RGMA: variants seen among roughly 807,000 people sequenced by gnomAD.
The protein encoded by RGMA is repulsive guidance molecule BMP co-receptor a.
A neutral mutation model predicts 23.2 loss-of-function variants in RGMA; 10 were observed. That is an observed-to-expected ratio of 0.43 (90% confidence interval 0.27 to 0.73). The LOEUF is 0.73. RGMA is among the 30% of genes least tolerant of loss of function. The probability of loss-of-function intolerance (pLI) is 0.20; values close to 1 mark genes in which losing one functional copy is unlikely to be tolerated. For synonymous variants in RGMA, 308 were observed against 279.3 expected (o/e 1.10, Z -1.03); for missense variants, 547 against 630.5 (o/e 0.87, Z 1.42).
Position 93,044,024 on chromosome 15 carries a change from TGA to T in RGMA, c.*972_*973del, listed in dbSNP as rs972609638. On this transcript the variant is annotated 3_prime_UTR_variant, in exon 4 of 4. Transcript: ENST00000329082. The stretch of plus-strand genomic sequence containing the variant: ...AGACCCTGCCAGGGATGCTCAGAGC[TGA>T]GAGTCCTAAGACCCTGCTCCTCTCC... The T allele has an allele frequency of 2.0e-5, 3 of 152,436 alleles. No homozygotes were observed. Among genetic ancestry groups the T allele is most frequent in the Non-Finnish European group, 4.4e-5 (3 of 68,140 alleles). 9.4% of individuals were successfully genotyped at this position (152,436 alleles called of 1,614,324 possible). A position where few individuals can be genotyped will look rare whatever the true frequency, so the allele number is the denominator to read the frequency against.
intron 2 of RGMA, among the ~76,000 whole-genome samples, chr15:93,052,866 G>T (rs755996593): frequency 1.3e-5 from 2 of 152,188 alleles, no homozygotes; most frequent in African/African-American, 2.4e-5. Flanking sequence ...CCATCCCCAA[G>T]AATTTTGGCT....
rs571587364 is a variant in RGMA, at chr15:93,041,037, C to A, written c.*3961G>T. The A allele has an allele frequency of 6.6e-6, 1 of 152,320 alleles. No individual in the cohort carries two copies. Among genetic ancestry groups the A allele is most frequent in the Non-Finnish European group, 1.5e-5 (1 of 68,050 alleles). The allele number at this position is 152,320 out of a possible 1,614,324, so 9.4% of individuals were successfully genotyped here. A position where few individuals can be genotyped will look rare whatever the true frequency, so the allele number is the denominator to read the frequency against. Reference sequence around the variant, plus strand: ...GCCAAGTTTGCCTGCAGCCCGAGCCCAAGTGCCACCCCTGCTCCATGCCAC... The same window carrying A: ...GCCAAGTTTGCCTGCAGCCCGAGCCAAAGTGCCACCCCTGCTCCATGCCAC... On this transcript the variant is annotated 3_prime_UTR_variant, in exon 4 of 4. Coordinates refer to ENST00000329082, the MANE Select transcript of RGMA (RefSeq NM_020211.3).
rs1000400049 is a variant in RGMA at position 93,035,743 on chromosome 15, C to T, written c.*9255G>A. The stretch of plus-strand genomic sequence containing the variant: ...CATTGTCAGAACTCAGATTCTAGCC[C>T]GACTCTGAAGGCCGAGCCTGTCACC... On this transcript the variant is annotated 3_prime_UTR_variant, in exon 4 of 4. Coordinates refer to ENST00000329082, the MANE Select transcript of RGMA (RefSeq NM_020211.3). 1.3e-5 allele frequency: 2 copies of T among 152,214 alleles called. No individual in the cohort carries two copies. Among genetic ancestry groups the T allele is most frequent in the Non-Finnish European group, 2.9e-5 (2 of 68,098 alleles). The allele number at this position is 152,214 out of a possible 1,614,324, so 9.4% of individuals were successfully genotyped here. A position where few individuals can be genotyped will look rare whatever the true frequency, so the allele number is the denominator to read the frequency against.
At chr15:93,054,822 G>A (rs983608522) in intron 2 of RGMA, among the ~76,000 whole-genome samples, 9 of 152,168 alleles carry the variant, frequency 5.9e-5, no homozygotes, top group African/African-American at 1.9e-4. Flanking sequence ...CCAAGGCAAC[G>A]AGAAGATTCT....
chr15:93,085,622 T>C (rs886901659), intron 1 of RGMA, among the ~76,000 whole-genome samples: 5 of 152,262 alleles, frequency 3.3e-5, no homozygotes, highest in East Asian at 1.9e-4. Flanking sequence ...GGTAGGTACA[T>C]AGTACATTTT....
intron 3 of RGMA, among the ~76,000 whole-genome samples, chr15:93,050,718 G>A (rs902529077): frequency 6.6e-6 from 1 of 152,162 alleles, no homozygotes; most frequent in Non-Finnish European, 1.5e-5. Flanking sequence ...CCACCCCCTG[G>A]GGTCTGGAGG....
chr15:93,063,062 A>G (rs1313641406), intron 2 of RGMA: 1 of 152,252 alleles, frequency 6.6e-6, no homozygotes, highest in African/African-American at 2.4e-5. Flanking sequence ...GGGCGTGATC[A>G]GAACACTATT....
chr15:93,045,764 C>T lies in RGMA; in HGVS notation c.646-59G>A. 2 of 1,254,544 alleles carry T rather than the reference C, an allele frequency of 1.6e-6. No individual in the cohort carries two copies. The highest frequency in any genetic ancestry group is 2.3e-6 in the Non-Finnish European group (2 of 874,168). 77.7% of individuals were successfully genotyped at this position (1,254,544 alleles called of 1,614,324 possible). ...GGCACAGTGGGAGGAGGCACAGCCC[C>T]ACACTTAAGATGCTCTAGACTGAGA... On this transcript the variant is annotated intron_variant, in intron 3 of 3. Transcript: ENST00000329082. This position sits in a 1 kb window ranked among gnomAD's most constrained non-coding sequence, Gnocchi z 6.9.
chr15:93,045,979 T>C lies in RGMA; in HGVS notation c.646-274A>G, dbSNP rs1218683068. On this transcript the variant is annotated intron_variant, in intron 3 of 3. Coordinates refer to ENST00000329082, the MANE Select transcript of RGMA (RefSeq NM_020211.3). This position sits in a 1 kb window ranked among gnomAD's most constrained non-coding sequence, Gnocchi z 6.9. ...GTAGAAAACTAGCTCTTTTACTATATAGGGAAGTGAACCAGAAAAATAAAA... is the reference window on the plus strand; with the variant it reads ...GTAGAAAACTAGCTCTTTTACTATACAGGGAAGTGAACCAGAAAAATAAAA... Among the ~76,000 whole-genome samples the C allele has an allele frequency of 2.0e-5, 3 of 152,202 alleles. No individual in the cohort carries two copies. The highest frequency in any genetic ancestry group is 4.8e-5 in the African/African-American group (2 of 41,450).
Position 93,088,693 on chromosome 15 carries a change from G to C in RGMA, c.14+226C>G. ...ACCACGCGCGCTGGCGGCTGCCCGG[G>C]GGAGAGTATTTTAGGAAAAAAGAAC... On this transcript the variant is annotated intron_variant, in intron 1 of 3. Coordinates refer to ENST00000329082, the MANE Select transcript of RGMA (RefSeq NM_020211.3). 3 of 796,192 alleles carry C rather than the reference G, an allele frequency of 3.8e-6. No homozygotes were observed. The South Asian group carries it at 6.3e-5, about 17-fold the overall frequency. The allele number at this position is 796,192 out of a possible 1,614,324, so 49.3% of individuals were successfully genotyped here.
intron 3 of RGMA, among the ~76,000 whole-genome samples, chr15:93,048,793 C>T (rs1218048118): frequency 6.8e-6 from 1 of 146,098 alleles, no homozygotes; most frequent in African/African-American, 2.5e-5. Flanking sequence ...CTGGGGGTGC[C>T]GGAGGTGGGC....
chr15:93,088,894 T>C (rs8038770), intron 1 of RGMA, 25 bp downstream of exon 1: 533,164 of 1,481,076 alleles, frequency 0.36, 100,737 homozygotes, highest in East Asian at 0.72. Flanking sequence ...GAGCCGGGTC[T>C]GCCCGGCTCC....
At position 93,072,952 on chromosome 15, in the gene RGMA, G is replaced by A. The variant is rs867054022; in HGVS notation, c.94C>T (p.Pro32Ser). The part of the protein sequence containing the change: ...GAGRSALGFW[P>S]TLAFLLCSFP... ...CTGCAGAGAAGGAAGGCGAGGGTCG[G>A]CCAGAATCCCAGGGCTGAACGTCCT... Residue 32 changes from proline to serine, a missense_variant, in exon 2 of 4, where the codon CCG becomes TCG. By Grantham distance (74) the Pro-to-Ser change is moderately conservative. This residue lies in a region of RGMA where 214 missense variants were observed against 234.7 expected (regional missense o/e 0.91). Coordinates refer to ENST00000329082, the MANE Select transcript of RGMA (RefSeq NM_020211.3). 3 of 1,610,442 alleles carry A rather than the reference G, an allele frequency of 1.9e-6. No homozygotes were observed. The highest frequency in any genetic ancestry group is 2.5e-6 in the Non-Finnish European group (3 of 1,178,618).
At chr15:93,061,143 C>G (rs1273085707) in intron 2 of RGMA, among the ~76,000 whole-genome samples, 1 of 152,216 alleles carries the variant, frequency 6.6e-6, no homozygotes, top group Admixed American at 6.5e-5. Flanking sequence ...TACTCCATAC[C>G]CAAAGCCTAT....
intron 2 of RGMA, among the ~76,000 whole-genome samples, chr15:93,054,515 A>G (rs1308942681): frequency 1.3e-5 from 2 of 152,106 alleles, no homozygotes; most frequent in Non-Finnish European, 2.9e-5. Context: ...TGGTTTTATA[A>G]ATGGGAGTTC....
intron 1 of RGMA, among the ~76,000 whole-genome samples, chr15:93,080,782 C>T (rs1042605804): frequency 6.6e-6 from 1 of 151,962 alleles, no homozygotes; most frequent in Non-Finnish European, 1.5e-5. Flanking sequence ...TTCTCGACTT[C>T]CCATATTCTC....
chr15:93,056,597 C>T lies in RGMA; in HGVS notation c.131-4090G>A, dbSNP rs955976834. 2.7e-4 allele frequency among the ~76,000 whole-genome samples: 41 copies of T among 152,148 alleles called. 2 individuals are homozygous for T. The highest frequency in any genetic ancestry group is 4.4e-5 in the Non-Finnish European group (3 of 68,020). On this transcript the variant is annotated intron_variant, in intron 2 of 3. Transcript: ENST00000329082. ...ACAGGAACCAGGGTCCCCGTCTCCCCGACTCCTCTGTAGGCTTCAGGACCC... is the reference window on the plus strand; with the variant it reads ...ACAGGAACCAGGGTCCCCGTCTCCCTGACTCCTCTGTAGGCTTCAGGACCC...
At chr15:93,065,467 G>A (rs1312923189) in intron 2 of RGMA, 1 of 442,482 alleles carries the variant, frequency 2.3e-6, no homozygotes, top group Non-Finnish European at 4.2e-6. Flanking sequence ...ATGAAAAGCT[G>A]GTATTTTGAT....
At position 93,072,994 on chromosome 15, in the gene RGMA, C is replaced by T; in HGVS notation, c.52G>A (p.Gly18Ser). The change falls in exon 2 of 4, where the codon GGT becomes AGT. Residue 18 changes from glycine to serine, a missense_variant. By Grantham distance (56) the Gly-to-Ser change is moderately conservative. Around this residue, in one of 3 missense-constraint regions of RGMA, gnomAD observed 214 missense variants for 234.7 expected, o/e 0.91. Coordinates refer to ENST00000329082, the MANE Select transcript of RGMA (RefSeq NM_020211.3). ...LVVTGRAGWM[G>S]MGRGAGRSAL... ...GAACGTCCTGCCCCTCTCCCCATAC[C>T]CATCCATCCAGCTCGGCCTGTTACC... 3 of 1,611,470 alleles carry T rather than the reference C, an allele frequency of 1.9e-6. No individual in the cohort carries two copies. Among genetic ancestry groups the T allele is most frequent in the Non-Finnish European group, 2.5e-6 (3 of 1,179,050 alleles).
Sources: allele counts gnomAD v4.1 joint callset (sites outside exome capture counted in the v4.1 genomes callset), GRCh38; gene constraint gnomAD v4.1.1; regional missense constraint gnomAD v4.1.1; non-coding constraint Gnocchi (gnomAD v3.1); transcripts MANE v1.5; gene names NCBI Gene and HGNC (gene_info 2026-07-23, HGNC 2026-07-21).